USP9X: variants seen among roughly 807,000 people sequenced by gnomAD.
USP9X encodes the protein ubiquitin carboxyl-terminal hydrolase 9X.
A neutral mutation model predicts 190.3 loss-of-function variants in USP9X; 7 were observed. That is an observed-to-expected ratio of 0.04 (90% CI 0.02 to 0.07). The LOEUF (loss-of-function observed/expected upper bound fraction) is 0.07, where lower values mean the gene tolerates loss of function less well. USP9X is among the 10% of genes least tolerant of loss of function. The pLI is 1.00. For missense variants in USP9X, 1,010 were observed against 1,916.9 expected (o/e 0.53, Z 8.83); for synonymous variants, 645 against 659.5 (o/e 0.98, Z 0.34).
At chrX:41,152,893 T>G in intron 13 of USP9X, 55 bp from the exon 14 acceptor site, 1 of 1,147,124 alleles carries the variant, frequency 8.7e-7, no homozygotes, top group Non-Finnish European at 1.2e-6. Flanking sequence ...CGAACTCTTC[T>G]GGTTACAACA....
rs1422970925 is a variant in USP9X at position 41,192,398 on chromosome X, A to G, written c.3977+2923A>G. Among the ~76,000 whole-genome samples, 18 of 110,429 alleles carry G rather than the reference A, an allele frequency of 1.6e-4. No homozygotes were observed. The Admixed American group carries it at 1.8e-3, about 11-fold the overall frequency. On this transcript the variant is annotated intron_variant, in intron 26 of 44. Transcript: ENST00000378308. ...ACTTTATTTTATTGTAGTTAGTTGCAATGGATTTAAATTCTTTTAGATAAA... is the reference window on the plus strand; with the variant it reads ...ACTTTATTTTATTGTAGTTAGTTGCGATGGATTTAAATTCTTTTAGATAAA...
intron 26 of USP9X, among the ~76,000 whole-genome samples, chrX:41,193,711 C>G (rs1283441522): frequency 1.8e-5 from 2 of 110,927 alleles, no homozygotes; most frequent in African/African-American, 6.6e-5. Flanking sequence ...ACATGTAGTC[C>G]TAACTAGTCA....
At chrX:41,200,424 G>T in intron 30 of USP9X, among the ~76,000 whole-genome samples, 2 of 111,849 alleles carry the variant, frequency 1.8e-5, no homozygotes, top group Middle Eastern at 4.7e-3. Context: ...TTTATACTAG[G>T]TGGAGGGAGA....
At chrX:41,101,191 T>G (rs1422433310) in intron 1 of USP9X, among the ~76,000 whole-genome samples, 2 of 111,409 alleles carry the variant, frequency 1.8e-5, no homozygotes, top group East Asian at 5.6e-4. Flanking sequence ...TCGATACAGC[T>G]TTCACTTTAG....
chrX:41,151,074 T>A lies in USP9X; in HGVS notation c.1763+17T>A. On this transcript the variant is annotated intron_variant, in intron 13 of 44. Transcript: ENST00000378308. The stretch of plus-strand genomic sequence containing the variant: ...AAATTTGAGGTAAGACTTTTTAACA[T>A]AGAAAATTTCAATACTTAAAATTTA... 1.7e-6 allele frequency: 2 copies of A among 1,180,250 alleles called. No individual in the cohort carries two copies. Among genetic ancestry groups the A allele is most frequent in the Non-Finnish European group, 2.3e-6 (2 of 880,009 alleles).
chrX:41,152,014 T>C lies in USP9X; in HGVS notation c.1764-934T>C, dbSNP rs186703745. Among the ~76,000 whole-genome samples, 3 of 111,935 alleles carry C rather than the reference T, an allele frequency of 2.7e-5. No homozygotes were observed. In the East Asian group the frequency reaches 8.4e-4, roughly 31 times the overall value. ...CAAAACAAAACCAAAAAACATGTTTTCTTTATATGTAAGATTAAATGATTG... is the reference window on the plus strand; with the variant it reads ...CAAAACAAAACCAAAAAACATGTTTCCTTTATATGTAAGATTAAATGATTG... On this transcript the variant is annotated intron_variant, in intron 13 of 44. Transcript: ENST00000378308.
intron 1 of USP9X, among the ~76,000 whole-genome samples, chrX:41,105,734 A>G (rs1472405614): frequency 8.9e-6 from 1 of 112,192 alleles, no homozygotes; most frequent in Non-Finnish European, 1.9e-5. Flanking sequence ...TGTTTTCCAC[A>G]GTGGCTGCAC....
chrX:41,212,717 CTG>C (rs753157946), intron 33 of USP9X, among the ~76,000 whole-genome samples: 5 of 111,340 alleles, frequency 4.5e-5, no homozygotes, highest in Non-Finnish European at 9.4e-5. Context: ...ACAATCCAAA[CTG>C]TATTAAATAT....
intron 1 of USP9X, among the ~76,000 whole-genome samples, chrX:41,112,122 G>T (rs891672021): frequency 2.7e-5 from 3 of 112,536 alleles, no homozygotes; most frequent in Non-Finnish European, 5.6e-5. Context: ...TGGGATTACA[G>T]GCGTCAGCCA....
chrX:41,229,007 G>A (rs2063338766), intron 41 of USP9X: 1 of 228,108 alleles, frequency 4.4e-6, no homozygotes, highest in Admixed American at 6.5e-5. Flanking sequence ...GTTGGGCTGA[G>A]GCAGGAGAGA....
intron 4 of USP9X, among the ~76,000 whole-genome samples, chrX:41,132,377 C>G (rs1390740388): frequency 3.0e-5 from 3 of 99,480 alleles, no homozygotes; most frequent in African/African-American, 1.1e-4. Flanking sequence ...GATCTTGGCT[C>G]ACTGCAACCT....
rs773539225 is a variant in USP9X, at chrX:41,184,645, A to G, written c.3528A>G (p.Pro1176=). The G allele has an allele frequency of 1.7e-6, 2 of 1,211,564 alleles. No individual in the cohort carries two copies. Among genetic ancestry groups the G allele is most frequent in the Admixed American group, 4.3e-5 (2 of 46,052 alleles). ...HVRAVAEACQ[P]GVEGVNPMTQ... Reference sequence around the variant, plus strand: ...GAGCTGTGGCAGAAGCTTGTCAGCCAGGTGTAGAAGGTGTGAATCCCATGA... The same window carrying G: ...GAGCTGTGGCAGAAGCTTGTCAGCCGGGTGTAGAAGGTGTGAATCCCATGA... The change falls in exon 23 of 45, where the codon CCA becomes CCG. Residue 1176 remains proline (P), a synonymous_variant. Coordinates refer to ENST00000378308, the MANE Select transcript of USP9X (RefSeq NM_001039591.3).
rs977341750 is a variant in USP9X at position 41,202,000 on chromosome X, G to A, written c.4824+720G>A. Among the ~76,000 whole-genome samples the A allele has an allele frequency of 4.5e-5, 5 of 112,070 alleles. No homozygotes were observed. The Admixed American group carries it at 4.7e-4, about 11-fold the overall frequency. On this transcript the variant is annotated intron_variant, in intron 31 of 44. Transcript: ENST00000378308. ...AAAAAAAGCAACAGTTAATGTACTC[G>A]TGTTTTTTTGTGTAGAGTGTTTAGT...
intron 13 of USP9X, 147 bp downstream of exon 13, chrX:41,151,204 T>C: frequency 2.0e-6 from 1 of 509,969 alleles, no homozygotes; most frequent in Non-Finnish European, 2.9e-6. Flanking sequence ...AAAAGAATTC[T>C]TTATTACATC....
chrX:41,183,980 T>TCG lies in USP9X; in HGVS notation c.3149-17_3149-16insGC, dbSNP rs2062850747. 1 of 1,193,542 alleles carries TCG rather than the reference T, an allele frequency of 8.4e-7. No homozygotes were observed. ...ACACATGAATTACATTTTCACACTG[T>TCG]CTCTTTTTTTCCTCCAGATAGCACA... On this transcript the variant is annotated splice_polypyrimidine_tract_variant and intron_variant, in intron 21 of 44. Coordinates refer to ENST00000378308, the MANE Select transcript of USP9X (RefSeq NM_001039591.3).
Position 41,210,629 on chromosome X carries a change from A to C in USP9X, c.5136A>C (p.Lys1712Asn). ...TAGGACATCCAGCTATGCTAAGTAA[A>C]GTCTTAGGAGGTTCCTTTGCTGATC... ...KALGHPAMLS[K>N]VLGGSFADQK... The change falls in exon 33 of 45, where the codon AAA becomes AAC. Residue 1712 changes from lysine (K) to asparagine (N), a missense_variant. Lys to Asn is a moderately conservative substitution (Grantham distance 94). This residue lies in a region of USP9X where 120 missense variants were observed against 342.7 expected (regional missense o/e 0.35). Coordinates refer to ENST00000378308, the MANE Select transcript of USP9X (RefSeq NM_001039591.3). The C allele has an allele frequency of 8.3e-7, 1 of 1,210,994 alleles. No homozygotes were observed. Among genetic ancestry groups the C allele is most frequent in the Admixed American group, 2.2e-5 (1 of 46,020 alleles).
At chrX:41,214,463 T>G (rs975111214) in intron 33 of USP9X, 105 bp from the exon 34 acceptor site, 1 of 803,167 alleles carries the variant, frequency 1.2e-6, no homozygotes, top group Admixed American at 5.0e-5. Context: ...ACCCTAGAAC[T>G]TAAAGTATAA....
At chrX:41,110,467 A>T (rs775346759) in intron 1 of USP9X, among the ~76,000 whole-genome samples, 2 of 111,554 alleles carry the variant, frequency 1.8e-5, no homozygotes, top group African/African-American at 6.5e-5. Context: ...TTCTGACATT[A>T]TTGATGTATG....
At position 41,161,809 on chromosome X, in the gene USP9X, C is replaced by G. The variant is rs1206073792; in HGVS notation, c.1898-981C>G. On this transcript the variant is annotated intron_variant, in intron 14 of 44. Transcript: ENST00000378308. Reference sequence around the variant, plus strand: ...ATGTTCCCCAGGCTGGTCTCGAACTCCTGGCCTGAAGCAATACTACTGCCT... The same window carrying G: ...ATGTTCCCCAGGCTGGTCTCGAACTGCTGGCCTGAAGCAATACTACTGCCT... Among the ~76,000 whole-genome samples, 4 of 105,414 alleles carry G rather than the reference C, an allele frequency of 3.8e-5. No homozygotes were observed. In the Admixed American group the frequency reaches 4.1e-4, roughly 11 times the overall value. 91.5% of individuals were successfully genotyped at this position (105,414 alleles called of 115,157 possible).
Sources: gnomAD v4.1 joint callset for allele counts (sites outside exome capture counted in the v4.1 genomes callset) on GRCh38, gnomAD v4.1.1 for gene constraint, gnomAD v4.1.1 regional missense constraint, MANE v1.5 for transcripts, NCBI Gene and HGNC (gene_info 2026-07-23, HGNC 2026-07-21) for gene names.